Variants in MYH14 observed in about 807,000 individuals in gnomAD.
MYH14 encodes myosin heavy chain 14.
In MYH14, 123 loss-of-function variants were observed where a neutral mutation model predicts 255.5. The observed-to-expected ratio is 0.48, with a 90% CI of 0.42 to 0.56. The LOEUF is 0.56. MYH14 is among the 20% of genes least tolerant of loss of function. MYH14 has a pLI of 0.00. For missense variants in MYH14, 2,423 were observed against 2,802.3 expected (o/e 0.86, Z 3.06); for synonymous variants, 1,095 against 1,161.2 (o/e 0.94, Z 1.16).
At position 50,286,590 on chromosome 19, in the gene MYH14, C is replaced by G. The variant is rs1375846596; in HGVS notation, c.4648C>G (p.Leu1550Val). Residue 1550 changes from leucine to valine, a missense_variant, in exon 34 of 43, where the codon CTG becomes GTG. Physicochemically the swap from Leu to Val is conservative, Grantham distance 32 (BLOSUM62 1). Coordinates refer to ENST00000642316, the MANE Select transcript of MYH14 (RefSeq NM_001145809.2). ...EARALSLTRA[L>V]EEEQEAREEL... is the part of the protein sequence containing the mutation. ...TCGGGCCCTGTCACTGACACGGGCA[C>G]TGGAGGAGGAGCAGGAGGCACGTGA... The G allele has an allele frequency of 6.2e-7, 1 of 1,607,790 alleles. No individual in the cohort carries two copies. The highest frequency in any genetic ancestry group is 1.1e-5 in the South Asian group (1 of 89,676).
intron 3 of MYH14, 79 bp downstream of exon 3, chr19:50,217,850 T>G: frequency 1.9e-6 from 3 of 1,541,106 alleles, no homozygotes; most frequent in Non-Finnish European, 2.6e-6. Context: ...GAAGCCAGAG[T>G]CCAGGTCAAA....
chr19:50,297,491 C>CTTTTTTTTTT lies in MYH14; in HGVS notation c.5469+3818_5469+3827dup. ...TCTTTGTGGCTCTGTCTCATCTCCT[C>CTTTTTTTTTT]TTTTTTTTTTTTTTTTTTTTTTTGA... On this transcript the variant is annotated intron_variant, in intron 39 of 42. Transcript: ENST00000642316. Among the ~76,000 whole-genome samples, 46 of 74,344 alleles carry CTTTTTTTTTT rather than the reference C, an allele frequency of 6.2e-4. 7 individuals are homozygous for CTTTTTTTTTT. Among genetic ancestry groups the CTTTTTTTTTT allele is most frequent in the Admixed American group, 1.4e-3 (6 of 4,290 alleles). 48.8% of individuals were successfully genotyped at this position (74,344 alleles called of 152,430 possible).
In MYH14 at chr19:50,276,730, C is replaced by G. The variant is rs77061052; in HGVS notation, c.3681-27C>G. 87,652 of 1,612,552 alleles carry G rather than the reference C, an allele frequency of 0.054. 2,718 individuals are homozygous for G. Among genetic ancestry groups the G allele is most frequent in the Non-Finnish European group, 0.061 (71,540 of 1,179,418 alleles). On this transcript the variant is annotated intron_variant, in intron 28 of 42. Coordinates refer to ENST00000642316, the MANE Select transcript of MYH14 (RefSeq NM_001145809.2). The surrounding 1 kb of genome is among the most constrained non-coding windows in gnomAD (Gnocchi z 4.3). ...CTGCCTTCCTCTGCTCTGAAATTCC[C>G]ATCCTCTCTCCTTTCCCCCAATAAA... is the stretch of plus-strand genomic sequence containing the variant.
At chr19:50,269,877 C>T (rs1670725) in intron 24 of MYH14, among the ~76,000 whole-genome samples, 23,940 of 152,088 alleles carry the variant, frequency 0.16, 2,065 homozygotes, top group East Asian at 0.32. Flanking sequence ...AGGAGGACTT[C>T]TGTTTAGGCC....
intron 10 of MYH14, among the ~76,000 whole-genome samples, chr19:50,233,869 C>A: frequency 7.7e-6 from 1 of 129,986 alleles, no homozygotes; most frequent in Non-Finnish European, 1.6e-5. Context: ...TGCTGGAGTG[C>A]AAGTGGTGCA....
chr19:50,244,201 G>C, intron 10 of MYH14, 41 bp from the exon 11 acceptor site: 1 of 1,568,516 alleles, frequency 6.4e-7, no homozygotes, highest in Non-Finnish European at 8.8e-7. Flanking sequence ...CCACACATCG[G>C]GGTCCAGAGC....
At chr19:50,257,567 T>C (rs1371204506) in intron 18 of MYH14, 81 bp downstream of exon 18, 1 of 1,386,388 alleles carries the variant, frequency 7.2e-7, no homozygotes, top group African/African-American at 1.4e-5. Context: ...TGGAGCCACA[T>C]CTGATTCGAG....
rs2036484655 is a variant in MYH14, at chr19:50,301,663, A to G, written c.5472A>G (p.Val1824=). Residue 1824 remains valine (V), a splice_region_variant and synonymous_variant, in exon 40 of 43, where the codon GTA becomes GTG. Transcript: ENST00000642316. ...NDRYRKLLLQ[V]ESLTTELSAE... Reference sequence around the variant, plus strand: ...CCTTCCTTCCCCTCCTGCTACAGGTAGAGTCACTGACCACAGAGCTGTCAG... The same window carrying G: ...CCTTCCTTCCCCTCCTGCTACAGGTGGAGTCACTGACCACAGAGCTGTCAG... 1.9e-6 allele frequency: 3 copies of G among 1,611,868 alleles called. No individual in the cohort carries two copies. Among genetic ancestry groups the G allele is most frequent in the Non-Finnish European group, 2.5e-6 (3 of 1,178,228 alleles).
intron 8 of MYH14, among the ~76,000 whole-genome samples, chr19:50,229,902 AG>A (rs1242011739): frequency 3.3e-5 from 5 of 152,062 alleles, no homozygotes; most frequent in Admixed American, 3.3e-4. Context: ...CAACTCATCC[AG>A]GGTCGATGAG....
intron 2 of MYH14, among the ~76,000 whole-genome samples, chr19:50,214,078 G>T (rs562152889): frequency 6.6e-6 from 1 of 152,240 alleles, no homozygotes; most frequent in East Asian, 1.9e-4. Flanking sequence ...TCTTGCCTGG[G>T]CCTCTCAAAC....
In MYH14 at chr19:50,250,816, C is replaced by A; in HGVS notation, c.1830+128C>A. On this transcript the variant is annotated intron_variant, in intron 15 of 42. Coordinates refer to ENST00000642316, the MANE Select transcript of MYH14 (RefSeq NM_001145809.2). This position sits in a 1 kb window ranked among gnomAD's most constrained non-coding sequence, Gnocchi z 5.4. ...GAGGTCCAGACAAACAGAGCAGGGG[C>A]TAGGAGAGCCCAGGGAGGAGCAAGG... 1 of 955,632 alleles carries A rather than the reference C, an allele frequency of 1.0e-6. No homozygotes were observed. The highest frequency in any genetic ancestry group is 1.5e-6 in the Non-Finnish European group (1 of 652,024). 59.2% of individuals were successfully genotyped at this position (955,632 alleles called of 1,614,324 possible).
rs1470081249 is a variant in MYH14 at position 50,266,821 on chromosome 19, A to T, written c.2695-56A>T. The T allele has an allele frequency of 1.3e-5, 20 of 1,549,306 alleles. No individual in the cohort carries two copies. Among genetic ancestry groups the T allele is most frequent in the Non-Finnish European group, 1.7e-5 (20 of 1,145,334 alleles). ...ACCCAGAAACTCAAACCCCACTAAG[A>T]GTGTGAGGTCTTGGCGCCTGAAGTC... On this transcript the variant is annotated intron_variant, in intron 22 of 42. Coordinates refer to ENST00000642316, the MANE Select transcript of MYH14 (RefSeq NM_001145809.2). This position sits in a 1 kb window ranked among gnomAD's most constrained non-coding sequence, Gnocchi z 4.1.
intron 10 of MYH14, among the ~76,000 whole-genome samples, chr19:50,238,643 G>A (rs1667156810): frequency 6.6e-6 from 1 of 152,018 alleles, no homozygotes; most frequent in African/African-American, 2.4e-5. Context: ...GGTAGAGTCG[G>A]GGTTCACCAT....
rs73586294 is a variant in MYH14 at position 50,281,360 on chromosome 19, A to G, written c.4291-234A>G. Among the ~76,000 whole-genome samples the G allele has an allele frequency of 0.032, 4,853 of 151,766 alleles. 271 individuals are homozygous for G. Among genetic ancestry groups the G allele is most frequent in the African/African-American group, 0.11 (4,597 of 41,358 alleles). ...GCAGCCGAGGGGCTCCCCAGGAAAG[A>G]CTCCAGGTCTGATTCACCTCTGCAT... On this transcript the variant is annotated intron_variant, in intron 32 of 42. Coordinates refer to ENST00000642316, the MANE Select transcript of MYH14 (RefSeq NM_001145809.2).
intron 34 of MYH14, among the ~76,000 whole-genome samples, chr19:50,287,047 G>A (rs1233621776): frequency 2.0e-5 from 3 of 152,080 alleles, no homozygotes; most frequent in South Asian, 2.1e-4. Flanking sequence ...GAATTCAGGA[G>A]GGAGAGGTTT....
Position 50,286,523 on chromosome 19 carries a change from G to A in MYH14, c.4581G>A (p.Glu1527=). Residue 1527 remains glutamate (E), a synonymous_variant, in exon 34 of 43, where the codon GAG becomes GAA. Transcript: ENST00000642316. ...EEKAAVLRAV[E]ERERAEAEGR... is the part of the protein sequence containing the mutation. ...AGGCAGCTGTACTTCGGGCAGTGGA[G>A]GAACGTGAGCGGGCCGAGGCAGAGG... is the stretch of plus-strand genomic sequence containing the variant. 1 of 1,613,624 alleles carries A rather than the reference G, an allele frequency of 6.2e-7. No individual in the cohort carries two copies. Among genetic ancestry groups the A allele is most frequent in the Non-Finnish European group, 8.5e-7 (1 of 1,179,758 alleles).
intron 1 of MYH14, among the ~76,000 whole-genome samples, chr19:50,206,467 G>A (rs1316486815): frequency 6.6e-6 from 1 of 152,100 alleles, no homozygotes; most frequent in East Asian, 1.9e-4. Flanking sequence ...GTTTGGGTCC[G>A]GTGTATCCAG....
chr19:50,224,906 A>T (rs1045354998), intron 6 of MYH14: 1 of 454,816 alleles, frequency 2.2e-6, no homozygotes, highest in Non-Finnish European at 4.4e-6. Context: ...GGAGTTCAAG[A>T]CCAGGCTAGG....
In MYH14 at chr19:50,266,452, G is replaced by A. The variant is rs757454332; in HGVS notation, c.2695-425G>A. 2.6e-5 allele frequency among the ~76,000 whole-genome samples: 4 copies of A among 152,046 alleles called. No homozygotes were observed. Among genetic ancestry groups the A allele is most frequent in the Admixed American group, 1.3e-4 (2 of 15,260 alleles). ...CATACGCCTGTAATCCCAGCTACTC[G>A]GGAGGCTGAGGCAGGAGAATCGCTT... is the stretch of plus-strand genomic sequence containing the variant. On this transcript the variant is annotated intron_variant, in intron 22 of 42. Coordinates refer to ENST00000642316, the MANE Select transcript of MYH14 (RefSeq NM_001145809.2). This position sits in a 1 kb window ranked among gnomAD's most constrained non-coding sequence, Gnocchi z 4.1.
Sources: allele counts gnomAD v4.1 joint callset (sites outside exome capture counted in the v4.1 genomes callset), GRCh38; gene constraint gnomAD v4.1.1; non-coding constraint Gnocchi (gnomAD v3.1); transcripts MANE v1.5; gene names NCBI Gene and HGNC (gene_info 2026-07-23, HGNC 2026-07-21).